Variants in ZPLD1 observed in about 807,000 individuals in gnomAD.
ZPLD1 encodes zona pellucida-like domain-containing protein 1.
ZPLD1 carries 34 observed loss-of-function variants against 47.2 expected under a neutral mutation model. The ratio of observed to expected loss-of-function variants is 0.72; its 90% confidence interval spans 0.55 to 0.96. ZPLD1 has a LOEUF of 0.96. ZPLD1 is among the 40% of genes least tolerant of loss of function. ZPLD1 has a pLI of 0.00. For synonymous variants in ZPLD1, 176 were observed against 186.2 expected (o/e 0.95, Z 0.45); for missense variants, 512 against 505.8 (o/e 1.01, Z -0.12).
chr3:102,425,699 G>T (rs1336737119), intron 8 of ZPLD1, among the ~76,000 whole-genome samples: 1 of 151,958 alleles, frequency 6.6e-6, no homozygotes, highest in Non-Finnish European at 1.5e-5. Context: ...CTATGGTAGG[G>T]ATATAATTTT....
At position 102,477,871 on chromosome 3, in the gene ZPLD1, C is replaced by CT; in HGVS notation, c.*255dup. The CT allele has an allele frequency of 3.2e-6, 1 of 314,634 alleles. No homozygotes were observed. Among genetic ancestry groups the CT allele is most frequent in the African/African-American group, 2.1e-5 (1 of 46,686 alleles). 19.5% of individuals were successfully genotyped at this position (314,634 alleles called of 1,614,324 possible). ...GACAATAAGTGAAAAATATTCAGGA[C>CT]TTAGGGCTTACAGGATCAGTAATAT... On this transcript the variant is annotated 3_prime_UTR_variant, in exon 12 of 12. Transcript: ENST00000466937.
chr3:102,458,412 T>A (rs1480460137), intron 6 of ZPLD1, among the ~76,000 whole-genome samples: 1 of 152,216 alleles, frequency 6.6e-6, no homozygotes, highest in Non-Finnish European at 1.5e-5. Flanking sequence ...ATACATGGAT[T>A]TCTATTTATA....
upstream of ZPLD1, among the ~76,000 whole-genome samples, chr3:102,430,271 A>G (rs1707001985): frequency 6.6e-6 from 1 of 152,130 alleles, no homozygotes; most frequent in Admixed American, 6.5e-5. Flanking sequence ...GACTAACTTG[A>G]CTCAGTCCTT....
intron 8 of ZPLD1, among the ~76,000 whole-genome samples, chr3:102,422,933 T>C (rs1706897884): frequency 6.6e-6 from 1 of 152,060 alleles, no homozygotes; most frequent in African/African-American, 2.4e-5. Context: ...ATTTATAGGA[T>C]TCATCAACCT....
intron 8 of ZPLD1, among the ~76,000 whole-genome samples, chr3:102,428,414 C>A (rs1706975638): frequency 1.3e-5 from 2 of 152,128 alleles, no homozygotes; most frequent in South Asian, 2.1e-4. Context: ...AATTAATATT[C>A]AAATAAAATA....
intron 8 of ZPLD1, among the ~76,000 whole-genome samples, chr3:102,466,029 A>G (rs1351004497): frequency 6.6e-6 from 1 of 152,192 alleles, no homozygotes; most frequent in Non-Finnish European, 1.5e-5. Context: ...AAAAAACAGT[A>G]GAGAATGCTC....
chr3:102,466,175 A>G (rs1385113725), intron 8 of ZPLD1, among the ~76,000 whole-genome samples: 6 of 152,210 alleles, frequency 3.9e-5, no homozygotes, highest in Non-Finnish European at 8.8e-5. Context: ...CCCAGGGCTG[A>G]TGGTAGAACC....
intron 3 of ZPLD1, among the ~76,000 whole-genome samples, chr3:102,451,130 T>C (rs1211282683): frequency 6.6e-6 from 1 of 152,164 alleles, no homozygotes; most frequent in African/African-American, 2.4e-5. Context: ...AACATAGACA[T>C]TTCCATATTG....
chr3:102,407,960 C>G (rs1411948407), intron 7 of ZPLD1, among the ~76,000 whole-genome samples: 2 of 151,688 alleles, frequency 1.3e-5, no homozygotes, highest in African/African-American at 2.4e-5. Flanking sequence ...AGGAGGAGCA[C>G]CTAAACCAGA....
At chr3:102,432,829 G>A (rs909795606), upstream of ZPLD1, among the ~76,000 whole-genome samples, 1 of 152,096 alleles carries the variant, frequency 6.6e-6, no homozygotes, top group Non-Finnish European at 1.5e-5. Context: ...ATACATTATA[G>A]ACACATAGAT....
At chr3:102,441,384 C>T (rs1039382568) in intron 3 of ZPLD1, among the ~76,000 whole-genome samples, 3 of 152,118 alleles carry the variant, frequency 2.0e-5, no homozygotes, top group Non-Finnish European at 4.4e-5. Context: ...CAACTTGTTT[C>T]ACCTCAAATA....
chr3:102,476,642 A>T (rs1286076039), intron 10 of ZPLD1, among the ~76,000 whole-genome samples: 1 of 152,164 alleles, frequency 6.6e-6, no homozygotes, highest in Non-Finnish European at 1.5e-5. Flanking sequence ...GCCATAAAAA[A>T]TGTAATAGCT....
At position 102,470,469 on chromosome 3, in the gene ZPLD1, G is replaced by T. The variant is rs1011365587; in HGVS notation, c.1009G>T (p.Val337Leu). The T allele has an allele frequency of 5.0e-6, 8 of 1,614,018 alleles. No homozygotes were observed. The highest frequency in any genetic ancestry group is 6.8e-6 in the Non-Finnish European group (8 of 1,179,978). The change falls in exon 10 of 12, where the codon GTG becomes TTG. Residue 337 changes from valine (V) to leucine (L), a missense_variant. Val to Leu is a conservative substitution (Grantham distance 32, BLOSUM62 1). Coordinates refer to ENST00000466937, the MANE Select transcript of ZPLD1 (RefSeq NM_001329788.2). ...WSPQSSSGSA[V>L]LSAGPIITRS... The stretch of plus-strand genomic sequence containing the variant: ...CCCCCAGAGCTCTTCTGGCAGCGCG[G>T]TGCTCTCTGCTGGTCCCATCATTAC...
chr3:102,462,263 T>G lies in ZPLD1; in HGVS notation c.583-18T>G. ...TGTTGGGGAGGTAATAATAGATTTTTTATTGTTTCATCATTAGGATTCAAC... is the reference window on the plus strand; with the variant it reads ...TGTTGGGGAGGTAATAATAGATTTTGTATTGTTTCATCATTAGGATTCAAC... On this transcript the variant is annotated intron_variant, in intron 6 of 11. Transcript: ENST00000466937. The G allele has an allele frequency of 6.5e-7, 1 of 1,538,222 alleles. No homozygotes were observed. Among genetic ancestry groups the G allele is most frequent in the Non-Finnish European group, 8.9e-7 (1 of 1,120,548 alleles).
At chr3:102,436,782 A>G (rs906584787) in intron 1 of ZPLD1, 78 bp from the exon 2 acceptor site, 12 of 615,996 alleles carry the variant, frequency 1.9e-5, no homozygotes, top group Admixed American at 6.3e-5. Context: ...TCCTGTGAAA[A>G]ATATATGTTA....
intron 8 of ZPLD1, among the ~76,000 whole-genome samples, chr3:102,468,421 CATGTCCA>C: frequency 6.6e-6 from 1 of 152,108 alleles, no homozygotes; most frequent in Admixed American, 6.5e-5. Flanking sequence ...AACTCTGAAA[CATGTCCA>C]TGATGAAATA....
chr3:102,394,294 G>A (rs1465716320), intron 7 of ZPLD1, among the ~76,000 whole-genome samples: 2 of 152,096 alleles, frequency 1.3e-5, no homozygotes, highest in Non-Finnish European at 2.9e-5. Flanking sequence ...AAACATAGAA[G>A]TCAGGAAATG....
chr3:102,464,886 C>A (rs1398964737), intron 8 of ZPLD1, among the ~76,000 whole-genome samples: 2 of 152,152 alleles, frequency 1.3e-5, no homozygotes, highest in African/African-American at 4.8e-5. Context: ...GCTGAACAGA[C>A]TTGAGAGTCA....
chr3:102,464,607 T>C (rs1356573330), intron 8 of ZPLD1, among the ~76,000 whole-genome samples: 12 of 152,226 alleles, frequency 7.9e-5, no homozygotes, highest in Non-Finnish European at 1.8e-4. Flanking sequence ...TATCTGCAAC[T>C]AGACTGTCTC....
Sources: allele counts gnomAD v4.1 joint callset (sites outside exome capture counted in the v4.1 genomes callset), GRCh38; gene constraint gnomAD v4.1.1; transcripts MANE v1.5; gene names NCBI Gene and HGNC (gene_info 2026-07-23, HGNC 2026-07-21).